MYO1E: variants seen among roughly 807,000 people sequenced by gnomAD.
MYO1E encodes the protein unconventional myosin-Ie.
A neutral mutation model predicts 151.1 loss-of-function variants in MYO1E; 68 were observed. That is an observed-to-expected ratio of 0.45 (90% CI 0.37 to 0.55). MYO1E has a LOEUF of 0.55. Among genes scored for constraint, MYO1E ranks in the 20% least tolerant of loss-of-function variants. MYO1E has a pLI of 0.00. For missense variants in MYO1E, 1,363 were observed against 1,389.3 expected, an observed-to-expected ratio of 0.98 and a Z score of 0.30; for synonymous variants, 601 against 501.7, an observed-to-expected ratio of 1.20 and a Z score of -2.64.
At chr15:59,309,472 TACTG>T (rs541837819) in intron 1 of MYO1E, among the ~76,000 whole-genome samples, 2 of 152,222 alleles carry the variant, frequency 1.3e-5, no homozygotes, top group South Asian at 4.1e-4. Context: ...TACTAAATGC[TACTG>T]AAGAATAACA....
intron 3 of MYO1E, among the ~76,000 whole-genome samples, chr15:59,257,397 G>GTTGGAGGACAGCTTGAGTCCAGGAT: frequency 6.6e-6 from 1 of 152,322 alleles, no homozygotes; most frequent in South Asian, 2.1e-4. Context: ...GAGTCCAGGA[G>GTTGGAGGACAGCTTGAGTCCAGGAT]TTGGAGGACG....
chr15:59,207,132 G>T, intron 14 of MYO1E: 1 of 1,614,236 alleles, frequency 6.2e-7, no homozygotes, highest in Non-Finnish European at 8.5e-7. Context: ...TCACTTCCGA[G>T]AAGCCCGTTC....
chr15:59,143,698 T>C (rs74017367), intron 26 of MYO1E, among the ~76,000 whole-genome samples: 7,948 of 152,262 alleles, frequency 0.052, 388 homozygotes, highest in African/African-American at 0.14. Context: ...AGATGACTGA[T>C]GCAGGCTCCT....
Position 59,172,159 on chromosome 15 carries a change from C to A in MYO1E, c.2335-117G>T. 2.7e-6 allele frequency: 3 copies of A among 1,129,918 alleles called. No individual in the cohort carries two copies. The African/African-American group carries it at 4.6e-5, about 17-fold the overall frequency. The allele number at this position is 1,129,918 out of a possible 1,614,324, so 70.0% of individuals were successfully genotyped here. A position where few individuals can be genotyped will look rare whatever the true frequency, so the allele number is the denominator to read the frequency against. ...ATCACCTGAGGTCAGGAGTTCGAGACCAGCCTGACCAACATGGTGAAACCC... is the reference window on the plus strand; with the variant it reads ...ATCACCTGAGGTCAGGAGTTCGAGAACAGCCTGACCAACATGGTGAAACCC... On this transcript the variant is annotated intron_variant, in intron 21 of 27. Coordinates refer to ENST00000288235, the MANE Select transcript of MYO1E (RefSeq NM_004998.4).
chr15:59,158,815 G>A (rs1000805870), intron 24 of MYO1E, among the ~76,000 whole-genome samples: 2 of 152,210 alleles, frequency 1.3e-5, no homozygotes, highest in South Asian at 2.1e-4. Flanking sequence ...TACGTCAAGC[G>A]CCTTGCACGC....
Position 59,160,042 on chromosome 15 carries a change from G to A in MYO1E, c.2785+1031C>T, listed in dbSNP as rs865993342. Among the ~76,000 whole-genome samples the A allele has an allele frequency of 1.8e-4, 27 of 152,050 alleles. 1 individual carries two copies. Among genetic ancestry groups the A allele is most frequent in the African/African-American group, 2.4e-4 (10 of 41,378 alleles). On this transcript the variant is annotated intron_variant, in intron 24 of 27. Transcript: ENST00000288235. ...TGTATTTAGTAGAGACTGGGTGTTG[G>A]TCAGGCTGGTCTCAAACTCCTGACC...
chr15:59,214,855 G>C, intron 10 of MYO1E, 135 bp from the exon 11 acceptor site: 1 of 752,004 alleles, frequency 1.3e-6, no homozygotes, highest in South Asian at 1.4e-5. Flanking sequence ...AGTGAAGGCA[G>C]GAGACTTGCT....
At chr15:59,175,494 G>A (rs566557813) in intron 19 of MYO1E, among the ~76,000 whole-genome samples, 1 of 152,078 alleles carries the variant, frequency 6.6e-6, no homozygotes, top group Non-Finnish European at 1.5e-5. Context: ...ATCCATCTGT[G>A]CAGAAACAAC....
At chr15:59,318,663 A>C (rs2080604892) in intron 1 of MYO1E, among the ~76,000 whole-genome samples, 1 of 152,224 alleles carries the variant, frequency 6.6e-6, no homozygotes, top group Non-Finnish European at 1.5e-5. Context: ...GAGTAGTAGA[A>C]GCCTACCAGA....
In MYO1E at chr15:59,217,917, C is replaced by T. The variant is rs1311812085; in HGVS notation, c.1081G>A (p.Ala361Thr). ...TRDALAKALHARVFDFLVDSI... is the reference protein window; with the variant it reads ...TRDALAKALHTRVFDFLVDSI... ...TCTACCAAGAAATCAAAGACCCGGG[C>T]GTGCAGGGCCTTGGCGAGCGCATCC... The change falls in exon 10 of 28, where the codon GCC becomes ACC. Residue 361 changes from alanine (A) to threonine (T), a missense_variant. Ala to Thr is a moderately conservative substitution (Grantham distance 58, BLOSUM62 0). Transcript: ENST00000288235. The T allele has an allele frequency of 1.5e-5, 24 of 1,614,024 alleles. No homozygotes were observed. The highest frequency in any genetic ancestry group is 1.0e-4 in the Admixed American group (6 of 59,992).
chr15:59,161,241 C>T lies in MYO1E; in HGVS notation c.2628-11G>A, dbSNP rs1392156663. 1 of 1,613,472 alleles carries T rather than the reference C, an allele frequency of 6.2e-7. No homozygotes were observed. On this transcript the variant is annotated splice_polypyrimidine_tract_variant and intron_variant, in intron 23 of 27. Coordinates refer to ENST00000288235, the MANE Select transcript of MYO1E (RefSeq NM_004998.4). ...AACTTCAGTTCAAGCCTGCAAAAAG[C>T]ACAGTGGGGTTAACAGGTCGAAGGA...
chr15:59,324,397 C>T (rs1391763834), intron 1 of MYO1E, among the ~76,000 whole-genome samples: 1 of 152,202 alleles, frequency 6.6e-6, no homozygotes, highest in Non-Finnish European at 1.5e-5. Context: ...TGTGGAGAGC[C>T]TTGTGCTAAA....
intron 1 of MYO1E, among the ~76,000 whole-genome samples, chr15:59,273,311 C>T (rs997793002): frequency 1.3e-5 from 2 of 152,160 alleles, no homozygotes; most frequent in Non-Finnish European, 2.9e-5. Flanking sequence ...ATGTGTTCAG[C>T]TACGTGACAA....
intron 4 of MYO1E, among the ~76,000 whole-genome samples, chr15:59,240,590 T>C (rs567302408): frequency 6.6e-6 from 1 of 152,320 alleles, no homozygotes; most frequent in South Asian, 2.1e-4. Flanking sequence ...TAAAAATATT[T>C]CAGTTCTTTT....
intron 1 of MYO1E, among the ~76,000 whole-genome samples, chr15:59,319,161 A>T (rs2080608625): frequency 6.6e-6 from 1 of 152,054 alleles, no homozygotes; most frequent in Non-Finnish European, 1.5e-5. Context: ...AAATACAAAA[A>T]AAAGCCTGGC....
At chr15:59,158,899 C>T (rs1230615927) in intron 24 of MYO1E, among the ~76,000 whole-genome samples, 1 of 152,144 alleles carries the variant, frequency 6.6e-6, no homozygotes, top group African/African-American at 2.4e-5. Flanking sequence ...ACCCTTGACA[C>T]AGACATGAAG....
intron 1 of MYO1E, among the ~76,000 whole-genome samples, chr15:59,293,697 G>T (rs1250202129): frequency 6.6e-6 from 1 of 152,106 alleles, no homozygotes; most frequent in Admixed American, 6.5e-5. Flanking sequence ...GGTAAATGAA[G>T]CCCTCAAAAG....
rs141721438 is a variant in MYO1E, at chr15:59,304,678, G to A, written c.4-32229C>T. On this transcript the variant is annotated intron_variant, in intron 1 of 27. Coordinates refer to ENST00000288235, the MANE Select transcript of MYO1E (RefSeq NM_004998.4). ...CTGTTGCATCCTTAGCCCGTGATCT[G>A]GTTAGGGCAGAAATGCCCGGGAATC... Among the ~76,000 whole-genome samples, 259 of 152,270 alleles carry A rather than the reference G, an allele frequency of 1.7e-3. 1 individual carries two copies. The highest frequency in any genetic ancestry group is 5.8e-3 in the African/African-American group (242 of 41,546).
chr15:59,288,702 A>G (rs1245615588), intron 1 of MYO1E, among the ~76,000 whole-genome samples: 2 of 152,242 alleles, frequency 1.3e-5, no homozygotes, highest in Non-Finnish European at 2.9e-5. Context: ...CAGGATTCAA[A>G]TAAAAAATAT....
Sources: allele counts gnomAD v4.1 joint callset (sites outside exome capture counted in the v4.1 genomes callset), GRCh38; gene constraint gnomAD v4.1.1; transcripts MANE v1.5; gene names NCBI Gene and HGNC (gene_info 2026-07-23, HGNC 2026-07-21).